Variants in ACOXL observed in about 807,000 individuals in gnomAD.
The protein encoded by ACOXL is acyl-coenzyme A oxidase-like protein.
ACOXL carries 70 observed loss-of-function variants against 71.9 expected under a neutral mutation model. The ratio of observed to expected loss-of-function variants is 0.97; its 90% CI spans 0.80 to 1.19. ACOXL has a LOEUF of 1.19. Among genes scored for constraint, ACOXL ranks in the 50% most tolerant of loss-of-function variants. ACOXL has a pLI of 0.00. For synonymous variants in ACOXL, 253 were observed against 281.6 expected (o/e 0.90, Z 1.02); for missense variants, 703 against 736.3 (o/e 0.95, Z 0.52).
intron 16 of ACOXL, among the ~76,000 whole-genome samples, chr2:111,061,456 C>G (rs1012086264): frequency 5.3e-5 from 8 of 152,066 alleles, no homozygotes; most frequent in Non-Finnish European, 7.4e-5. Flanking sequence ...AAGCTATCCT[C>G]AGATTAGCTT....
Position 110,846,641 on chromosome 2 carries a change from G to GCGCACACACACACACACA in ACOXL, c.788+5237_788+5238insGCACACACACACACACAC, listed in dbSNP as rs148602789. On this transcript the variant is annotated intron_variant, in intron 10 of 17. Transcript: ENST00000439055. ...TGTGAGCATGCAAGTATGCATACAC[G>GCGCACACACACACACACA]CACACACACACACACACACACACAC... Among the ~76,000 whole-genome samples the GCGCACACACACACACACA allele has an allele frequency of 3.2e-3, 447 of 138,014 alleles. 3 individuals are homozygous for GCGCACACACACACACACA. The highest frequency in any genetic ancestry group is 0.015 in the Admixed American group (209 of 13,848). The allele number at this position is 138,014 out of a possible 152,430, so 90.5% of individuals were successfully genotyped here. A position where few individuals can be genotyped will look rare whatever the true frequency, so the allele number is the denominator to read the frequency against.
intron 12 of ACOXL, among the ~76,000 whole-genome samples, chr2:110,983,749 C>A (rs2062813990): frequency 6.6e-6 from 1 of 152,164 alleles, no homozygotes; most frequent in African/African-American, 2.4e-5. Context: ...CTACTAGGTC[C>A]ATTTTAAGTA....
In ACOXL at chr2:111,118,222, GA is replaced by G. The variant is rs5833389; in HGVS notation, c.*418del. On this transcript the variant is annotated 3_prime_UTR_variant, in exon 18 of 18. Transcript: ENST00000439055. Reference sequence around the variant, plus strand: ...AGAAAAACTGTGGTGCCGAGTGAAAGAAAAAAAAAAAAGCAAACACCCTTAG... The same window carrying G: ...AGAAAAACTGTGGTGCCGAGTGAAAGAAAAAAAAAAAGCAAACACCCTTAG... 94,253 of 200,552 alleles carry G rather than the reference GA, an allele frequency of 0.47. 21,851 individuals carry two copies. Among genetic ancestry groups the G allele is most frequent in the Non-Finnish European group, 0.53 (54,904 of 103,132 alleles). The allele number at this position is 200,552 out of a possible 1,614,324, so 12.4% of individuals were successfully genotyped here. A position where few individuals can be genotyped will look rare whatever the true frequency, so the allele number is the denominator to read the frequency against.
At chr2:111,049,428 G>C in intron 16 of ACOXL, 140 bp downstream of exon 16, 1 of 675,860 alleles carries the variant, frequency 1.5e-6, no homozygotes, top group Admixed American at 2.5e-5. Context: ...TGTCATAGGC[G>C]AATTGGAGGG....
chr2:110,765,061 G>T (rs555107801), intron 1 of ACOXL, among the ~76,000 whole-genome samples: 3 of 152,182 alleles, frequency 2.0e-5, no homozygotes, highest in South Asian at 2.1e-4. Context: ...TATAAGATTT[G>T]CCATTGACAG....
chr2:110,736,964 C>T (rs900962161), intron 1 of ACOXL, among the ~76,000 whole-genome samples: 1 of 152,126 alleles, frequency 6.6e-6, no homozygotes, highest in Non-Finnish European at 1.5e-5. Flanking sequence ...ATTTGGCCCC[C>T]AGCCACTTTG....
At chr2:110,744,669 G>A in intron 1 of ACOXL, among the ~76,000 whole-genome samples, 1 of 152,198 alleles carries the variant, frequency 6.6e-6, no homozygotes, top group South Asian at 2.1e-4. Flanking sequence ...AGCCATTCAG[G>A]CATAGCCACC....
At chr2:110,994,898 G>A (rs2063322627) in intron 13 of ACOXL, among the ~76,000 whole-genome samples, 1 of 152,040 alleles carries the variant, frequency 6.6e-6, no homozygotes, top group Non-Finnish European at 1.5e-5. Flanking sequence ...ACTGAGTTCT[G>A]CCTGTGTGAC....
intron 10 of ACOXL, chr2:110,887,889 C>G (rs1034453424): frequency 6.6e-6 from 1 of 152,160 alleles, no homozygotes; most frequent in Non-Finnish European, 1.5e-5. Context: ...AACATTTGCT[C>G]TCTTGCTGAC....
intron 15 of ACOXL, among the ~76,000 whole-genome samples, chr2:111,040,009 C>T (rs1373649670): frequency 3.9e-5 from 6 of 152,190 alleles, no homozygotes; most frequent in South Asian, 2.1e-4. Context: ...TATCATTCTT[C>T]GATCCTGAGC....
chr2:110,976,600 T>G (rs1363645885), intron 12 of ACOXL, among the ~76,000 whole-genome samples: 2 of 152,194 alleles, frequency 1.3e-5, no homozygotes, highest in Non-Finnish European at 2.9e-5. Context: ...TTAAAAGACA[T>G]GGATGCTTTT....
intron 9 of ACOXL, among the ~76,000 whole-genome samples, chr2:110,808,212 G>C (rs956732504): frequency 2.6e-5 from 4 of 152,174 alleles, no homozygotes; most frequent in African/African-American, 9.7e-5. Context: ...CTGGGCACCT[G>C]AAAGAGTGAG....
At chr2:110,812,905 T>G (rs1047836105) in intron 9 of ACOXL, among the ~76,000 whole-genome samples, 1 of 152,140 alleles carries the variant, frequency 6.6e-6, no homozygotes, top group African/African-American at 2.4e-5. Context: ...CTTGGTGCTG[T>G]GTGGAGCCTC....
At chr2:110,959,910 G>T (rs1437693873) in intron 12 of ACOXL, among the ~76,000 whole-genome samples, 3 of 152,220 alleles carry the variant, frequency 2.0e-5, no homozygotes, top group Non-Finnish European at 2.9e-5. Flanking sequence ...CAAGGCAGGG[G>T]TTGGGGACAG....
chr2:110,805,079 C>A (rs1686459345), intron 8 of ACOXL, among the ~76,000 whole-genome samples, 184 bp from the exon 9 acceptor site: 1 of 152,214 alleles, frequency 6.6e-6, no homozygotes, highest in African/African-American at 2.4e-5. Context: ...ATGAGTCAAG[C>A]CTTTCTCAGC....
chr2:110,985,628 A>T (rs1012000571), intron 12 of ACOXL, among the ~76,000 whole-genome samples: 15 of 152,102 alleles, frequency 9.9e-5, no homozygotes, highest in African/African-American at 9.7e-5. Flanking sequence ...TGCCATGGGG[A>T]TGGGAAAGGA....
intron 5 of ACOXL, among the ~76,000 whole-genome samples, chr2:110,794,976 G>A (rs1573548551): frequency 6.9e-6 from 1 of 143,938 alleles, no homozygotes; most frequent in African/African-American, 2.6e-5. Flanking sequence ...GAAAGCAACT[G>A]TGTACTTATC....
At chr2:110,938,695 G>T (rs2060756749) in intron 12 of ACOXL, among the ~76,000 whole-genome samples, 1 of 148,956 alleles carries the variant, frequency 6.7e-6, no homozygotes, top group Non-Finnish European at 1.5e-5. Context: ...ATGAATGAAT[G>T]AATGAACGAA....
intron 1 of ACOXL, among the ~76,000 whole-genome samples, chr2:110,748,361 G>A (rs1293628398): frequency 6.6e-6 from 1 of 152,148 alleles, no homozygotes; most frequent in African/African-American, 2.4e-5. Flanking sequence ...GCAGGGGGGT[G>A]GATTGGAAGT....
Sources: gnomAD v4.1 joint callset for allele counts (sites outside exome capture counted in the v4.1 genomes callset) on GRCh38, gnomAD v4.1.1 for gene constraint, MANE v1.5 for transcripts, NCBI Gene and HGNC (gene_info 2026-07-23, HGNC 2026-07-21) for gene names.